Variants in CCT6B observed in about 807,000 individuals in gnomAD.
The protein encoded by CCT6B is probable T-complex protein 1 subunit zeta-2.
In CCT6B, 49 loss-of-function variants were observed where a neutral mutation model predicts 61.5. That is an observed-to-expected ratio of 0.80 (90% confidence interval 0.63 to 1.01). The LOEUF is 1.01. CCT6B is among the 50% of genes least tolerant of loss of function. The pLI is 0.00. For synonymous variants in CCT6B, 228 were observed against 214.5 expected, an observed-to-expected ratio of 1.06 and a Z score of -0.55; for missense variants, 666 against 634.7, an observed-to-expected ratio of 1.05 and a Z score of -0.53.
At position 34,954,446 on chromosome 17, in the gene CCT6B, G is replaced by C; in HGVS notation, c.490C>G (p.Leu164Val). 4 of 1,609,476 alleles carry C rather than the reference G, an allele frequency of 2.5e-6. No individual in the cohort carries two copies. The highest frequency in any genetic ancestry group is 3.4e-6 in the Non-Finnish European group (4 of 1,178,424). Residue 164 changes from leucine to valine, a missense_variant, in exon 4 of 14, where the codon CTG (leucine) becomes GTG (valine). Transcript: ENST00000314144. ...TSLQTKVHAE[L>V]ADVLTEVVVD... ...CATACCTCTGTTAAGACATCAGCCA[G>C]TTCAGCATGAACTTTAGTTTGTAAT...
At chr17:34,944,489 T>A (rs1271234515) in intron 5 of CCT6B, 1 of 152,286 alleles carries the variant, frequency 6.6e-6, no homozygotes, top group East Asian at 1.9e-4. Flanking sequence ...CATTCCCATA[T>A]TCCCTTCTAG....
At chr17:34,937,181 C>T (rs1243719246) in intron 10 of CCT6B, among the ~76,000 whole-genome samples, 7 of 151,820 alleles carry the variant, frequency 4.6e-5, no homozygotes, top group Non-Finnish European at 7.4e-5. Context: ...TGATCAAAAT[C>T]CCAGCAGCAG....
At chr17:34,953,743 C>T (rs1048316390) in intron 4 of CCT6B, among the ~76,000 whole-genome samples, 4 of 152,032 alleles carry the variant, frequency 2.6e-5, no homozygotes, top group Admixed American at 2.6e-4. Flanking sequence ...CATTTGAGGT[C>T]AGGAGTTCAA....
intron 10 of CCT6B, among the ~76,000 whole-genome samples, chr17:34,934,971 A>ATAG (rs1248546929): frequency 1.3e-5 from 2 of 152,250 alleles, no homozygotes; most frequent in Non-Finnish European, 1.5e-5. Context: ...GAGAATACAC[A>ATAG]TAGTACCATT....
At chr17:34,958,491 C>T (rs979639767) in intron 3 of CCT6B, 69 bp downstream of exon 3, 3 of 940,024 alleles carry the variant, frequency 3.2e-6, no homozygotes, top group African/African-American at 3.4e-5. Flanking sequence ...GTCTAAAACT[C>T]AACCATTTTA....
intron 5 of CCT6B, among the ~76,000 whole-genome samples, chr17:34,946,479 G>T (rs900842427): frequency 4.6e-5 from 7 of 152,134 alleles, no homozygotes; most frequent in African/African-American, 2.4e-5. Context: ...TAACGTGGCA[G>T]ATTTAAGAAA....
rs772341001 is a variant in CCT6B, at chr17:34,958,691, T to C, written c.205A>G (p.Ile69Val). 1.1e-5 allele frequency: 18 copies of C among 1,590,666 alleles called. No homozygotes were observed. The highest frequency in any genetic ancestry group is 1.5e-5 in the Non-Finnish European group (17 of 1,169,754). The change falls in exon 3 of 14, where the codon ATT (isoleucine) becomes GTT (valine). Residue 69 changes from isoleucine to valine, a missense_variant. By Grantham distance (29) the Ile-to-Val change is conservative (BLOSUM62 3). Coordinates refer to ENST00000314144, the MANE Select transcript of CCT6B (RefSeq NM_006584.4). The part of the protein sequence containing the change: ...DGNVLLDEMQ[I>V]QHPTASLIAK... ...ATCAAGGAAGCTGTTGGATGTTGAA[T>C]TTGCTGGAAAAAGCAAGCAACAGAT...
intron 10 of CCT6B, 51 bp from the exon 11 acceptor site, chr17:34,932,551 G>A: frequency 1.4e-6 from 2 of 1,435,798 alleles, no homozygotes; most frequent in African/African-American, 1.4e-5. Flanking sequence ...AAGACCAAAA[G>A]AGAGAGAGAG....
chr17:34,946,297 G>A (rs903025718), intron 5 of CCT6B, among the ~76,000 whole-genome samples: 5 of 152,100 alleles, frequency 3.3e-5, no homozygotes, highest in Admixed American at 1.3e-4. Flanking sequence ...TGGCACATAT[G>A]AACACAAAGC....
At chr17:34,931,616 G>A (rs570641605) in intron 11 of CCT6B, among the ~76,000 whole-genome samples, 3 of 152,124 alleles carry the variant, frequency 2.0e-5, no homozygotes, top group Non-Finnish European at 4.4e-5. Flanking sequence ...GTGTACTGGG[G>A]TTACCAATTT....
At chr17:34,932,283 T>A in intron 11 of CCT6B, 84 bp downstream of exon 11, 1 of 1,231,404 alleles carries the variant, frequency 8.1e-7, no homozygotes, top group South Asian at 1.6e-5. Context: ...GTCTACTCCA[T>A]TAACTATCAG....
chr17:34,942,409 G>C (rs1004130697), intron 7 of CCT6B, 75 bp downstream of exon 7: 19 of 1,154,996 alleles, frequency 1.6e-5, no homozygotes, highest in Non-Finnish European at 2.2e-5. Context: ...GGGATTCTTA[G>C]GGGTCCACAG....
Position 34,928,119 on chromosome 17 carries a change from TAAGG to T in CCT6B, c.1524-6_1524-3del, listed in dbSNP as rs762668021. The T allele has an allele frequency of 6.2e-7, 1 of 1,608,114 alleles. No homozygotes were observed. The highest frequency in any genetic ancestry group is 8.5e-7 in the Non-Finnish European group (1 of 1,176,580). ...AGAATGTTGGTGGCAATCACTGTGC[TAAGG>T]AAAAAGATGAGAGGGTGAGTAAAGC... On this transcript the variant is annotated splice_polypyrimidine_tract_variant and splice_region_variant and intron_variant, in intron 13 of 13. Transcript: ENST00000314144.
At chr17:34,949,501 GAAGGAAGGAGGGAGGGAGGGAGGGA>G (rs1417003447) in intron 5 of CCT6B, 1 of 123,926 alleles carries the variant, frequency 8.1e-6, no homozygotes, top group African/African-American at 2.9e-5. Context: ...AGGGAGGGAA[GAAGGAAGGAGGGAGGGAGGGAGGGA>G]AAGGAAGGAA....
At chr17:34,955,750 C>T (rs1206716888) in intron 3 of CCT6B, among the ~76,000 whole-genome samples, 2 of 152,102 alleles carry the variant, frequency 1.3e-5, no homozygotes, top group Non-Finnish European at 1.5e-5. Context: ...CTGGACATGA[C>T]TAAGAGTTTT....
In CCT6B at chr17:34,939,205, A is replaced by T; in HGVS notation, c.1191T>A (p.Ala397=). 3 of 1,613,724 alleles carry T rather than the reference A, an allele frequency of 1.9e-6. No individual in the cohort carries two copies. The highest frequency in any genetic ancestry group is 2.5e-6 in the Non-Finnish European group (3 of 1,179,832). ...TACCATCTTCAATGGCATTTTTGAT[A>T]GCACGAAGTCCATCTCTTATGGCAT... ...VKDAIRDGLR[A]IKNAIEDGCM... is the part of the protein sequence containing the mutation. Residue 397 remains alanine, a synonymous_variant, in exon 10 of 14, where the codon GCT becomes GCA. Transcript: ENST00000314144.
Position 34,939,634 on chromosome 17 carries a change from C to T in CCT6B, c.1048G>A (p.Val350Met), listed in dbSNP as rs1441913757. The T allele has an allele frequency of 6.2e-7, 1 of 1,607,832 alleles. No individual in the cohort carries two copies. The highest frequency in any genetic ancestry group is 1.1e-5 in the South Asian group (1 of 90,954). Residue 350 changes from valine to methionine, a missense_variant, in exon 9 of 14, where the codon GTG becomes ATG. Transcript: ENST00000314144. ...TVDCLGHAGL[V>M]YEYTLGEEKF... is the part of the protein sequence containing the mutation. ...ATACTCACTAATGTATACTCATACA[C>T]AAGACCAGCATGTCCCAAGCAATCT... is the stretch of plus-strand genomic sequence containing the variant.
At chr17:34,950,928 CAAAAAAAA>C in intron 5 of CCT6B, among the ~76,000 whole-genome samples, 1 of 96,698 alleles carries the variant, frequency 1.0e-5, no homozygotes, top group Admixed American at 1.1e-4. Context: ...GACTCCATCT[CAAAAAAAA>C]AAAAAAGAAG....
In CCT6B at chr17:34,958,437, C is replaced by A. The variant is rs917880380; in HGVS notation, c.336+123G>T. ...CCAGCCTGGGCGACACAGTGAGACT[C>A]CATCTCAAAATTAATTAATTAATTA... On this transcript the variant is annotated intron_variant, in intron 3 of 13. Transcript: ENST00000314144. 3 of 526,536 alleles carry A rather than the reference C, an allele frequency of 5.7e-6. No individual in the cohort carries two copies. The African/African-American group carries it at 6.0e-5, about 10-fold the overall frequency. 32.6% of individuals were successfully genotyped at this position (526,536 alleles called of 1,614,324 possible). A position where few individuals can be genotyped will look rare whatever the true frequency, so the allele number is the denominator to read the frequency against.
Sources: gnomAD v4.1 joint callset for allele counts (sites outside exome capture counted in the v4.1 genomes callset) on GRCh38, gnomAD v4.1.1 for gene constraint, MANE v1.5 for transcripts, NCBI Gene and HGNC (gene_info 2026-07-23, HGNC 2026-07-21) for gene names.